NEGR1: variants seen among roughly 807,000 people sequenced by gnomAD.
The protein encoded by NEGR1 is neuronal growth regulator 1.
NEGR1 carries 10 observed loss-of-function variants against 40.9 expected under a neutral mutation model. The observed-to-expected ratio is 0.24, with a 90% CI of 0.15 to 0.42. The LOEUF (loss-of-function observed/expected upper bound fraction) is 0.42. NEGR1 is among the 10% of genes least tolerant of loss of function. The probability of loss-of-function intolerance (pLI) is 1.00; values close to 1 mark genes in which losing one functional copy is unlikely to be tolerated. For synonymous variants in NEGR1, 185 were observed against 166.8 expected (o/e 1.11, Z -0.84); for missense variants, 352 against 438.9 (o/e 0.80, Z 1.77).
intron 1 of NEGR1, among the ~76,000 whole-genome samples, chr1:72,157,141 G>A (rs565694545): frequency 1.9e-4 from 29 of 151,856 alleles, no homozygotes; most frequent in Non-Finnish European, 2.5e-4. Flanking sequence ...TTTTTGTTTC[G>A]TTTTGTTTTT....
intron 1 of NEGR1, among the ~76,000 whole-genome samples, chr1:72,258,461 G>A (rs1228222191): frequency 6.6e-6 from 1 of 152,086 alleles, no homozygotes; most frequent in Non-Finnish European, 1.5e-5. Flanking sequence ...TCCCCCAAAT[G>A]TTTAATTATC....
chr1:71,748,498 A>G (rs949635280), intron 3 of NEGR1, among the ~76,000 whole-genome samples: 1 of 152,170 alleles, frequency 6.6e-6, no homozygotes, highest in African/African-American at 2.4e-5. Flanking sequence ...AAATAAAGGG[A>G]GAATAGTGAT....
intron 6 of NEGR1, among the ~76,000 whole-genome samples, chr1:71,481,637 A>G (rs1024826792): frequency 2.6e-5 from 4 of 151,938 alleles, no homozygotes; most frequent in Non-Finnish European, 5.9e-5. Context: ...TAAGTATTGC[A>G]TATTCATTGT....
intron 2 of NEGR1, among the ~76,000 whole-genome samples, chr1:71,779,850 T>A (rs909179016): frequency 1.3e-5 from 2 of 151,480 alleles, no homozygotes; most frequent in African/African-American, 2.4e-5. Context: ...TTTACAGGAG[T>A]GAGCCACCAC....
At chr1:71,729,808 T>G (rs1654793279) in intron 3 of NEGR1, among the ~76,000 whole-genome samples, 1 of 151,600 alleles carries the variant, frequency 6.6e-6, no homozygotes, top group African/African-American at 2.4e-5. Context: ...TGGCTAATTT[T>G]TGTTTTTTTG....
At chr1:71,621,068 T>A (rs1570115479) in intron 4 of NEGR1, among the ~76,000 whole-genome samples, 1 of 151,980 alleles carries the variant, frequency 6.6e-6, no homozygotes, top group East Asian at 1.9e-4. Flanking sequence ...TAGAGTATCA[T>A]AGTCCTGCTT....
intron 2 of NEGR1, among the ~76,000 whole-genome samples, chr1:71,802,357 CTA>C (rs1657593329): frequency 1.3e-5 from 2 of 152,146 alleles, no homozygotes; most frequent in East Asian, 3.9e-4. Context: ...ATTTAATCAG[CTA>C]TGTCTCCAGT....
At chr1:71,876,192 C>T (rs12757521) in intron 2 of NEGR1, among the ~76,000 whole-genome samples, 3,518 of 152,090 alleles carry the variant, frequency 0.023, 58 homozygotes, top group Non-Finnish European at 0.036. Flanking sequence ...TATTTTTCTT[C>T]GGAAAAGTCC....
chr1:71,828,475 CT>C (rs1658722461), intron 2 of NEGR1, among the ~76,000 whole-genome samples: 1 of 151,782 alleles, frequency 6.6e-6, no homozygotes, highest in Non-Finnish European at 1.5e-5. Context: ...GGTTTTTGAC[CT>C]TTTGTTTTTC....
intron 5 of NEGR1, among the ~76,000 whole-genome samples, chr1:71,606,653 G>A (rs1477026115): frequency 1.3e-5 from 2 of 151,992 alleles, no homozygotes; most frequent in African/African-American, 4.8e-5. Context: ...TTGTGTCTCA[G>A]TTTTGTCAAC....
At chr1:71,413,843 C>A (rs568355203) in intron 6 of NEGR1, among the ~76,000 whole-genome samples, 45 of 152,280 alleles carry the variant, frequency 3.0e-4, no homozygotes, top group African/African-American at 1.0e-3. Context: ...CCAATTACCA[C>A]ATCTGCTGCA....
At chr1:71,887,423 T>A (rs1660752907) in intron 2 of NEGR1, among the ~76,000 whole-genome samples, 1 of 152,246 alleles carries the variant, frequency 6.6e-6, no homozygotes, top group African/African-American at 2.4e-5. Flanking sequence ...TTTCTTACTC[T>A]CTGTCCCAGT....
intron 1 of NEGR1, among the ~76,000 whole-genome samples, chr1:71,970,770 C>T (rs568874922): frequency 1.6e-4 from 24 of 152,172 alleles, no homozygotes; most frequent in African/African-American, 5.1e-4. Context: ...AAAAAGAGAA[C>T]ATATACTCAG....
chr1:71,867,384 C>T (rs186267078), intron 2 of NEGR1, among the ~76,000 whole-genome samples: 10 of 152,044 alleles, frequency 6.6e-5, no homozygotes, highest in East Asian at 3.9e-4. Context: ...AGGGAGGGGA[C>T]GAGGGGATTC....
intron 1 of NEGR1, among the ~76,000 whole-genome samples, chr1:72,277,146 T>C (rs1276116538): frequency 6.6e-6 from 1 of 152,144 alleles, no homozygotes; most frequent in East Asian, 1.9e-4. Flanking sequence ...CTACTTTCCA[T>C]TGGCTAACGA....
intron 3 of NEGR1, among the ~76,000 whole-genome samples, chr1:71,711,481 C>CAA (rs71070899): frequency 0.14 from 17,492 of 126,534 alleles, 2,103 homozygotes; most frequent in African/African-American, 0.32. Context: ...CTAAAATTTA[C>CAA]AAAAAAAAAA....
intron 6 of NEGR1, among the ~76,000 whole-genome samples, chr1:71,475,909 A>G (rs1646816608): frequency 6.6e-6 from 1 of 151,870 alleles, no homozygotes; most frequent in Non-Finnish European, 1.5e-5. Flanking sequence ...TATTTATTTC[A>G]TTGATGTTCA....
intron 1 of NEGR1, among the ~76,000 whole-genome samples, chr1:71,940,432 T>C (rs890627401): frequency 2.6e-5 from 4 of 152,188 alleles, no homozygotes; most frequent in African/African-American, 9.6e-5. Flanking sequence ...ATACTTAAAT[T>C]TTCAGTCAGT....
At chr1:72,077,318 T>G (rs1647786218) in intron 1 of NEGR1, among the ~76,000 whole-genome samples, 1 of 152,050 alleles carries the variant, frequency 6.6e-6, no homozygotes, top group Non-Finnish European at 1.5e-5. Flanking sequence ...TGAGCCAGTG[T>G]TTTTTAGAGG....
Sources: gnomAD v4.1 joint callset for allele counts (sites outside exome capture counted in the v4.1 genomes callset) on GRCh38, gnomAD v4.1.1 for gene constraint, MANE v1.5 for transcripts, NCBI Gene and HGNC (gene_info 2026-07-23, HGNC 2026-07-21) for gene names.